The following SGCZ variants were observed in gnomAD, a reference collection of about 807,000 sequenced individuals.
SGCZ encodes sarcoglycan zeta, also known as zeta-sarcoglycan.
A neutral mutation model predicts 41.3 loss-of-function variants in SGCZ; 40 were observed. The ratio of observed to expected loss-of-function variants is 0.97; its 90% CI spans 0.75 to 1.26. SGCZ has a LOEUF of 1.26. Among genes scored for constraint, SGCZ ranks in the 50% most tolerant of loss-of-function variants. The pLI, the probability that SGCZ is intolerant of heterozygous loss-of-function variation, is 0.00. For missense variants in SGCZ, 552 were observed against 369.8 expected (o/e 1.49, Z -4.04); for synonymous variants, 206 against 137.5 (o/e 1.50, Z -3.49).
chr8:15,170,981 TATTAA>T (rs1585636536), intron 1 of SGCZ, among the ~76,000 whole-genome samples: 1 of 152,220 alleles, frequency 6.6e-6, no homozygotes, highest in Non-Finnish European at 1.5e-5. Flanking sequence ...ACATTCTAAG[TATTAA>T]ATTGATTATT....
In SGCZ at chr8:15,032,951, A is replaced by C. The variant is rs180821626; in HGVS notation, c.39+204634T>G. Among the ~76,000 whole-genome samples the C allele has an allele frequency of 2.5e-3, 379 of 151,690 alleles. 2 individuals are homozygous for C. The highest frequency in any genetic ancestry group is 4.0e-3 in the Non-Finnish European group (270 of 67,880). ...AGCCCAAAGCCCATTCAGTCCACAT[A>C]ACCCCAGGATTTTAGCATGCCCCAA... On this transcript the variant is annotated intron_variant, in intron 1 of 7. Coordinates refer to ENST00000382080, the MANE Select transcript of SGCZ (RefSeq NM_139167.4).
chr8:14,917,699 G>A (rs1243102953), intron 1 of SGCZ, among the ~76,000 whole-genome samples: 1 of 151,782 alleles, frequency 6.6e-6, no homozygotes, highest in Non-Finnish European at 1.5e-5. Context: ...ACTCATAATG[G>A]GGCAAGGAAA....
chr8:15,108,557 G>C (rs755851777), intron 1 of SGCZ, among the ~76,000 whole-genome samples: 1 of 152,132 alleles, frequency 6.6e-6, no homozygotes, highest in East Asian at 1.9e-4. Context: ...GGGTAAGAAA[G>C]GGTTTTCAAT....
At chr8:14,463,976 G>T (rs936348435) in intron 2 of SGCZ, among the ~76,000 whole-genome samples, 1 of 151,496 alleles carries the variant, frequency 6.6e-6, no homozygotes, top group South Asian at 2.1e-4. Context: ...AATCTTATTG[G>T]CCATGGTTTG....
chr8:15,231,813 G>A (rs534160104), intron 1 of SGCZ, among the ~76,000 whole-genome samples: 1 of 151,652 alleles, frequency 6.6e-6, no homozygotes, highest in Non-Finnish European at 1.5e-5. Context: ...GTAGAAACAG[G>A]GTTTCACCGT....
intron 1 of SGCZ, among the ~76,000 whole-genome samples, chr8:15,060,837 C>T (rs1460813290): frequency 6.6e-6 from 1 of 152,038 alleles, no homozygotes; most frequent in East Asian, 1.9e-4. Flanking sequence ...TAATTTCAAA[C>T]TGAAAAATCT....
chr8:14,249,705 G>A (rs1406171551), intron 3 of SGCZ, among the ~76,000 whole-genome samples: 1 of 152,106 alleles, frequency 6.6e-6, no homozygotes. Context: ...TCTCTAGCAA[G>A]TCTTACCCTT....
At chr8:14,615,134 T>C (rs1806057520) in intron 1 of SGCZ, among the ~76,000 whole-genome samples, 1 of 152,204 alleles carries the variant, frequency 6.6e-6, no homozygotes, top group African/African-American at 2.4e-5. Context: ...ACATTATGAC[T>C]GTACTACATT....
At chr8:14,768,807 G>C (rs1046396192) in intron 1 of SGCZ, among the ~76,000 whole-genome samples, 7 of 151,904 alleles carry the variant, frequency 4.6e-5, no homozygotes, top group African/African-American at 1.7e-4. Context: ...GTCTCTGCTT[G>C]TCCCATTTTA....
intron 1 of SGCZ, among the ~76,000 whole-genome samples, chr8:15,005,766 C>G (rs1186371086): frequency 1.3e-5 from 2 of 152,028 alleles, no homozygotes; most frequent in Non-Finnish European, 2.9e-5. Context: ...ACCTTATTAT[C>G]AAAAGACTTA....
intron 1 of SGCZ, among the ~76,000 whole-genome samples, chr8:15,046,747 A>T (rs1190233533): frequency 7.2e-5 from 11 of 152,058 alleles, no homozygotes; most frequent in African/African-American, 2.7e-4. Flanking sequence ...GATGATATAG[A>T]TGTGGATATA....
intron 1 of SGCZ, among the ~76,000 whole-genome samples, chr8:14,681,607 A>T (rs956489854): frequency 6.6e-6 from 1 of 152,240 alleles, no homozygotes; most frequent in Admixed American, 6.5e-5. Context: ...TCATTCATAT[A>T]TGTAACAAAG....
chr8:15,185,774 G>T (rs1373590834), intron 1 of SGCZ, among the ~76,000 whole-genome samples: 1 of 152,066 alleles, frequency 6.6e-6, no homozygotes, highest in African/African-American at 2.4e-5. Context: ...GTAATCTAAA[G>T]CCTCAAGATC....
chr8:14,647,648 T>C (rs1384876850), intron 1 of SGCZ, among the ~76,000 whole-genome samples: 1 of 152,020 alleles, frequency 6.6e-6, no homozygotes, highest in African/African-American at 2.4e-5. Flanking sequence ...ATAAATTAGT[T>C]TGTTCATTCT....
At chr8:14,954,230 T>C (rs911296469) in intron 1 of SGCZ, among the ~76,000 whole-genome samples, 34 of 152,278 alleles carry the variant, frequency 2.2e-4, no homozygotes, top group African/African-American at 7.5e-4. Context: ...TCTTCCACTA[T>C]TTGCAAGGTA....
intron 1 of SGCZ, among the ~76,000 whole-genome samples, chr8:14,748,760 A>T (rs1430805637): frequency 1.3e-5 from 2 of 152,114 alleles, no homozygotes; most frequent in African/African-American, 4.8e-5. Flanking sequence ...CTAGAAATAA[A>T]ATAAATTATA....
chr8:14,165,640 CTATT>C (rs908515321), intron 4 of SGCZ, among the ~76,000 whole-genome samples: 102 of 152,192 alleles, frequency 6.7e-4, no homozygotes, highest in African/African-American at 2.0e-3. Flanking sequence ...TCCTCCTCTT[CTATT>C]TATATTAAAA....
rs1354847535 is a variant in SGCZ at position 14,545,410 on chromosome 8, CTTACT to C, written c.234+9317_234+9321del. Among the ~76,000 whole-genome samples, 33 of 104,806 alleles carry C rather than the reference CTTACT, an allele frequency of 3.1e-4. No individual in the cohort carries two copies. In the East Asian group the frequency reaches 7.6e-3, roughly 24 times the overall value. 68.8% of individuals were successfully genotyped at this position (104,806 alleles called of 152,430 possible). ...CAATTATACTTTTGAAAAGCAAATGCTTACTTTTTTTTTTTTTACAAAATAGCGAA... is the reference window on the plus strand; with the variant it reads ...CAATTATACTTTTGAAAAGCAAATGCTTTTTTTTTTTTACAAAATAGCGAA... On this transcript the variant is annotated intron_variant, in intron 2 of 7. Coordinates refer to ENST00000382080, the MANE Select transcript of SGCZ (RefSeq NM_139167.4).
chr8:14,445,816 C>G (rs1800416130), intron 2 of SGCZ, among the ~76,000 whole-genome samples: 1 of 152,174 alleles, frequency 6.6e-6, no homozygotes, highest in Non-Finnish European at 1.5e-5. Flanking sequence ...AATACTCCCT[C>G]TGGTTCTAGC....
Sources: gnomAD v4.1 joint callset for allele counts (sites outside exome capture counted in the v4.1 genomes callset) on GRCh38, gnomAD v4.1.1 for gene constraint, MANE v1.5 for transcripts, NCBI Gene and HGNC (gene_info 2026-07-23, HGNC 2026-07-21) for gene names.